The following CASTOR2 variants were observed in gnomAD, a reference collection of about 807,000 sequenced individuals.
CASTOR2 encodes the protein cytosolic arginine sensor for mTORC1 subunit 2.
Under a neutral mutation model 31.2 loss-of-function variants are expected in CASTOR2, and 8 were observed. The ratio of observed to expected loss-of-function variants is 0.26; its 90% CI spans 0.15 to 0.46. The LOEUF is 0.46. CASTOR2 is among the 20% of genes least tolerant of loss of function. The probability of loss-of-function intolerance (pLI) is 0.99; values close to 1 mark genes in which losing one functional copy is unlikely to be tolerated. For missense variants in CASTOR2, 216 were observed against 382.1 expected, an observed-to-expected ratio of 0.57 and a Z score of 3.62; for synonymous variants, 162 against 158.7, an observed-to-expected ratio of 1.02 and a Z score of -0.16.
At chr7:74,992,290 C>T (rs1414861309) in intron 1 of CASTOR2, among the ~76,000 whole-genome samples, 1 of 151,100 alleles carries the variant, frequency 6.6e-6, no homozygotes, top group South Asian at 2.1e-4. Flanking sequence ...AAAAGTCTTT[C>T]CCCTTAAGAT....
chr7:75,013,032 C>T (rs1554439628), intron 2 of CASTOR2, among the ~76,000 whole-genome samples: 1 of 152,122 alleles, frequency 6.6e-6, no homozygotes, highest in Admixed American at 6.6e-5. Context: ...AAGCAGTCCT[C>T]CCACCTTGGC....
rs1420947525 is a variant in CASTOR2 at position 75,026,982 on chromosome 7, A to G, written c.*2283A>G. On this transcript the variant is annotated 3_prime_UTR_variant, in exon 9 of 9. Coordinates refer to ENST00000616305, the MANE Select transcript of CASTOR2 (RefSeq NM_001145064.3). ...GTTGATAGAGATATATACTGTAAAT[A>G]GCATATATACTTGAGCAATATATAT... 13 of 152,218 alleles carry G rather than the reference A, an allele frequency of 8.5e-5. No homozygotes were observed. Among genetic ancestry groups the G allele is most frequent in the Admixed American group, 7.2e-4 (11 of 15,280 alleles). 9.4% of individuals were successfully genotyped at this position (152,218 alleles called of 1,614,324 possible).
intron 1 of CASTOR2, among the ~76,000 whole-genome samples, chr7:74,967,159 A>G (rs1409516998): frequency 1.2e-5 from 1 of 81,314 alleles, no homozygotes; most frequent in Non-Finnish European, 3.1e-5. Context: ...AGCCCAGATC[A>G]TGGCTTCAGG....
intron 2 of CASTOR2, among the ~76,000 whole-genome samples, chr7:75,010,035 T>A (rs1350841654): frequency 6.6e-6 from 1 of 151,844 alleles, no homozygotes; most frequent in Non-Finnish European, 1.5e-5. Context: ...CCCGAGTAGC[T>A]GAGAGTAGAG....
chr7:74,993,967 G>T (rs1318144936), intron 1 of CASTOR2, among the ~76,000 whole-genome samples: 3 of 152,232 alleles, frequency 2.0e-5, no homozygotes, highest in Non-Finnish European at 4.4e-5. Flanking sequence ...TCTGTTGCTG[G>T]AACGGGACTC....
At position 75,017,628 on chromosome 7, in the gene CASTOR2, C is replaced by T; in HGVS notation, c.215C>T (p.Ala72Val). 1.2e-6 allele frequency: 2 copies of T among 1,613,988 alleles called. No individual in the cohort carries two copies. Among genetic ancestry groups the T allele is most frequent in the Non-Finnish European group, 1.7e-6 (2 of 1,179,868 alleles). Residue 72 changes from alanine (A) to valine (V), a missense_variant, in exon 3 of 9, where the codon GCA becomes GTA. Ala to Val is a moderately conservative substitution (Grantham distance 64). Transcript: ENST00000616305. ...CCCTCCTCGGAGCACCTGAGTGTGG[C>T]AGATGCCACCTGGCTGGCCCTGAAC... The part of the protein sequence containing the change: ...ELPSSEHLSV[A>V]DATWLALNVV...
rs1805152381 is a variant in CASTOR2 at position 75,026,995 on chromosome 7, G to A, written c.*2296G>A. Reference sequence around the variant, plus strand: ...TATACTGTAAATAGCATATATACTTGAGCAATATATATGTTAATATATACT... The same window carrying A: ...TATACTGTAAATAGCATATATACTTAAGCAATATATATGTTAATATATACT... On this transcript the variant is annotated 3_prime_UTR_variant, in exon 9 of 9. Coordinates refer to ENST00000616305, the MANE Select transcript of CASTOR2 (RefSeq NM_001145064.3). 1 of 152,174 alleles carries A rather than the reference G, an allele frequency of 6.6e-6. No homozygotes were observed. The highest frequency in any genetic ancestry group is 2.4e-5 in the African/African-American group (1 of 41,436). The allele number at this position is 152,174 out of a possible 1,614,324, so 9.4% of individuals were successfully genotyped here. A position where few individuals can be genotyped will look rare whatever the true frequency, so the allele number is the denominator to read the frequency against.
At position 75,025,046 on chromosome 7, in the gene CASTOR2, C is replaced by T. The variant is rs909454452; in HGVS notation, c.*347C>T. Among the ~76,000 whole-genome samples the T allele has an allele frequency of 6.6e-6, 1 of 152,242 alleles. No homozygotes were observed. Among genetic ancestry groups the T allele is most frequent in the Non-Finnish European group, 1.5e-5 (1 of 68,036 alleles). ...GCCAGGGGCAGATGCCGAGGGAAGCCGGTCCCTCCTGCGAGACACCGGTGT... is the reference window on the plus strand; with the variant it reads ...GCCAGGGGCAGATGCCGAGGGAAGCTGGTCCCTCCTGCGAGACACCGGTGT... On this transcript the variant is annotated 3_prime_UTR_variant, in exon 9 of 9. Transcript: ENST00000616305.
rs1805111022 is a variant in CASTOR2, at chr7:75,025,759, C to T, written c.*1060C>T. Among the ~76,000 whole-genome samples the T allele has an allele frequency of 6.6e-6, 1 of 152,194 alleles. No individual in the cohort carries two copies. Among genetic ancestry groups the T allele is most frequent in the Non-Finnish European group, 1.5e-5 (1 of 68,050 alleles). ...TAGTTTTTTATTTAATGTATTTGCA[C>T]CCAGGGTGCTCTTGGCGGTAGTTTC... On this transcript the variant is annotated 3_prime_UTR_variant, in exon 9 of 9. Coordinates refer to ENST00000616305, the MANE Select transcript of CASTOR2 (RefSeq NM_001145064.3).
chr7:74,985,174 C>T (rs1414166218), intron 1 of CASTOR2, among the ~76,000 whole-genome samples: 2 of 152,070 alleles, frequency 1.3e-5, no homozygotes, highest in African/African-American at 4.8e-5. Context: ...CCACTCCTCT[C>T]TCTATGCAGG....
chr7:75,008,499 C>G (rs1260480323), intron 2 of CASTOR2, among the ~76,000 whole-genome samples: 13 of 151,722 alleles, frequency 8.6e-5, no homozygotes, highest in Non-Finnish European at 1.6e-4. Flanking sequence ...AGTTTGAGAC[C>G]AGCCTGGGCA....
At chr7:74,983,299 A>T (rs1484011226) in intron 1 of CASTOR2, among the ~76,000 whole-genome samples, 1 of 150,036 alleles carries the variant, frequency 6.7e-6, no homozygotes, top group Admixed American at 6.6e-5. Flanking sequence ...GGCGTGAGCC[A>T]CTATGCCCGG....
chr7:75,031,480 CA>C lies in CASTOR2; in HGVS notation c.*6782del, dbSNP rs1212272547. 5.9e-5 allele frequency among the ~76,000 whole-genome samples: 9 copies of C among 151,342 alleles called. No homozygotes were observed. The East Asian group carries it at 1.4e-3, about 23-fold the overall frequency. ...TTACCTAATGTTCCCCCAAAAAAGA[CA>C]GTATATTTTGTACTTTGTAAAGTGT... On this transcript the variant is annotated 3_prime_UTR_variant, in exon 9 of 9. Transcript: ENST00000616305.
chr7:74,997,474 G>A (rs1302150524), intron 1 of CASTOR2, among the ~76,000 whole-genome samples: 3 of 150,328 alleles, frequency 2.0e-5, no homozygotes, highest in African/African-American at 4.9e-5. Context: ...TTGCTAGTCC[G>A]GAGAGCAGTG....
rs1450623473 is a variant in CASTOR2 at position 74,971,151 on chromosome 7, A to G, written c.113+6053A>G. On this transcript the variant is annotated intron_variant, in intron 1 of 8. Transcript: ENST00000616305. ...GCTAGGATTACAGGCACCCACCACC[A>G]TGCCCGGCTAATTTTGTATTTTTAG... Among the ~76,000 whole-genome samples, 7 of 142,872 alleles carry G rather than the reference A, an allele frequency of 4.9e-5. No homozygotes were observed. In the East Asian group the frequency reaches 1.0e-3, roughly 21 times the overall value. 93.7% of individuals were successfully genotyped at this position (142,872 alleles called of 152,430 possible). A position where few individuals can be genotyped will look rare whatever the true frequency, so the allele number is the denominator to read the frequency against.
chr7:74,998,303 C>G (rs1275034187), intron 1 of CASTOR2, among the ~76,000 whole-genome samples: 2 of 152,140 alleles, frequency 1.3e-5, no homozygotes, highest in African/African-American at 4.8e-5. Context: ...TTGTCTCTTG[C>G]TCGCAAAGAC....
rs1805159967 is a variant in CASTOR2 at position 75,027,213 on chromosome 7, G to A, written c.*2514G>A. ...CTCAGACCTGACTTGAGAGAACAAA[G>A]CCAGCAGCTCAAAGAGCCTGTGACA... On this transcript the variant is annotated 3_prime_UTR_variant, in exon 9 of 9. Coordinates refer to ENST00000616305, the MANE Select transcript of CASTOR2 (RefSeq NM_001145064.3). 6.6e-6 allele frequency: 1 copy of A among 152,260 alleles called. No individual in the cohort carries two copies. Among genetic ancestry groups the A allele is most frequent in the South Asian group, 2.1e-4 (1 of 4,836 alleles). 9.4% of individuals were successfully genotyped at this position (152,260 alleles called of 1,614,324 possible).
intron 1 of CASTOR2, among the ~76,000 whole-genome samples, chr7:74,976,964 C>T (rs2672645): frequency 0.62 from 90,999 of 146,158 alleles, 30,330 homozygotes; most frequent in East Asian, 0.91. Context: ...GCGGGTACAT[C>T]GCCTGAGGTC....
In CASTOR2 at chr7:75,017,995, C is replaced by T. The variant is rs1804905211; in HGVS notation, c.384C>T (p.Arg128=). 7.4e-6 allele frequency: 12 copies of T among 1,614,210 alleles called. No individual in the cohort carries two copies. Among genetic ancestry groups the T allele is most frequent in the African/African-American group, 4.0e-5 (3 of 75,056 alleles). Residue 128 remains arginine (R), a synonymous_variant, in exon 4 of 9, where the codon CGC becomes CGT. Coordinates refer to ENST00000616305, the MANE Select transcript of CASTOR2 (RefSeq NM_001145064.3). Reference sequence around the variant, plus strand: ...CCTCAACTTCTTGCCCCTAGGTGCGCGAGCGGGACCTGCCCTTTGTCACCC... The same window carrying T: ...CCTCAACTTCTTGCCCCTAGGTGCGTGAGCGGGACCTGCCCTTTGTCACCC... ...STYQTDFILV[R]ERDLPFVTHT...
Sources: gnomAD v4.1 joint callset for allele counts (sites outside exome capture counted in the v4.1 genomes callset) on GRCh38, gnomAD v4.1.1 for gene constraint, MANE v1.5 for transcripts, NCBI Gene and HGNC (gene_info 2026-07-23, HGNC 2026-07-21) for gene names.